Variants in ZNF717 observed in about 807,000 individuals in gnomAD.
ZNF717 encodes krueppel-like factor X17.
In ZNF717, 9 loss-of-function variants were observed where a neutral mutation model predicts 13.8. That is an observed-to-expected ratio of 0.65 (90% CI 0.39 to 1.14). The LOEUF (loss-of-function observed/expected upper bound fraction) is 1.14, where lower values mean the gene tolerates loss of function less well. ZNF717 is among the 50% of genes most tolerant of loss of function. ZNF717 has a pLI of 0.01. For missense variants in ZNF717, 1,040 were observed against 1,080.7 expected, an observed-to-expected ratio of 0.96 and a Z score of 0.53; for synonymous variants, 327 against 364.1, an observed-to-expected ratio of 0.90 and a Z score of 1.16.
At chr3:75,755,118 G>A (rs11919753) in intron 2 of ZNF717, among the ~76,000 whole-genome samples, 101 of 152,272 alleles carry the variant, frequency 6.6e-4, no homozygotes, top group African/African-American at 2.4e-3. Flanking sequence ...AAAAGTGAAG[G>A]AGAATTAAGG....
chr3:75,763,237 G>C (rs1388206433), intron 2 of ZNF717, among the ~76,000 whole-genome samples: 1 of 152,104 alleles, frequency 6.6e-6, no homozygotes, highest in African/African-American at 2.4e-5. Context: ...AGGGTAAAAG[G>C]AAACTGTAGA....
chr3:75,719,166 A>G (rs1938121012), intron 4 of ZNF717, among the ~76,000 whole-genome samples: 1 of 151,782 alleles, frequency 6.6e-6, no homozygotes, highest in Admixed American at 6.6e-5. Flanking sequence ...GTGGTGTCAC[A>G]TGCCTGTGGT....
intron 2 of ZNF717, among the ~76,000 whole-genome samples, chr3:75,758,135 A>AAAAAG (rs1553676182): frequency 6.7e-6 from 1 of 148,696 alleles, no homozygotes; most frequent in Non-Finnish European, 1.5e-5. Context: ...AAAAAAAAAA[A>AAAAAG]AGAGAGAGAG....
At chr3:75,723,874 G>A (rs1412759498) in intron 4 of ZNF717, among the ~76,000 whole-genome samples, 1 of 152,134 alleles carries the variant, frequency 6.6e-6, no homozygotes, top group Admixed American at 6.5e-5. Context: ...TTTGTGGAAG[G>A]CAACATCAGT....
At chr3:75,770,526 C>T (rs1176567202) in intron 2 of ZNF717, among the ~76,000 whole-genome samples, 1 of 152,086 alleles carries the variant, frequency 6.6e-6, no homozygotes, top group Non-Finnish European at 1.5e-5. Flanking sequence ...CACCACTGCA[C>T]TCCAGCATGG....
downstream of ZNF717, among the ~76,000 whole-genome samples, chr3:75,735,530 A>G (rs1185837392): frequency 1.3e-5 from 2 of 151,652 alleles, no homozygotes; most frequent in Non-Finnish European, 1.5e-5. Context: ...TTGTAGTCCT[A>G]GCTAATTGGG....
chr3:75,783,335 G>T lies in ZNF717; in HGVS notation c.28C>A (p.Gln10Lys). Reference protein sequence around the residue: MFPVFSGCFQELQEKNKSLE... With the variant: MFPVFSGCFKELQEKNKSLE... ...GATTTATTCTTTTCTTGTAGCTCTT[G>T]GAAACAGCCAGAGAACACTGGAAAC... The change falls in exon 2 of 5, where the codon CAA becomes AAA. Residue 10 changes from glutamine (Q) to lysine (K), a missense_variant. Around this residue, in one of 3 missense-constraint regions of ZNF717, gnomAD observed 123 missense variants for 177.8 expected, o/e 0.69. Transcript: ENST00000652011. The T allele has an allele frequency of 6.4e-7, 1 of 1,551,256 alleles. No homozygotes were observed. The highest frequency in any genetic ancestry group is 1.2e-5 in the South Asian group (1 of 84,050).
intron 2 of ZNF717, among the ~76,000 whole-genome samples, chr3:75,746,013 T>C (rs1941137721): frequency 1.3e-5 from 2 of 152,148 alleles, no homozygotes; most frequent in African/African-American, 4.8e-5. Flanking sequence ...CCTAACGCTA[T>C]CCCACCCTGC....
intron 2 of ZNF717, among the ~76,000 whole-genome samples, chr3:75,776,907 C>A (rs1944365449): frequency 7.2e-6 from 1 of 138,192 alleles, no homozygotes; most frequent in Non-Finnish European, 1.6e-5. Flanking sequence ...TAACAAAAAA[C>A]CGACTTAGTT....
intron 2 of ZNF717, among the ~76,000 whole-genome samples, chr3:75,762,862 C>T (rs148935712): frequency 1.8e-3 from 271 of 152,208 alleles, no homozygotes; most frequent in African/African-American, 5.9e-3. Flanking sequence ...TATGGACCAA[C>T]ACAACAGATA....
At chr3:75,778,132 C>A (rs921194833) in intron 2 of ZNF717, among the ~76,000 whole-genome samples, 6 of 124,216 alleles carry the variant, frequency 4.8e-5, no homozygotes, top group African/African-American at 1.9e-4. Flanking sequence ...AACAATGTGA[C>A]TGATGTGCAA....
At chr3:75,705,072 C>G (rs1219870096), downstream of ZNF717, among the ~76,000 whole-genome samples, 2 of 151,902 alleles carry the variant, frequency 1.3e-5, no homozygotes, top group African/African-American at 4.8e-5. Flanking sequence ...TTTTTCTTAA[C>G]AGTTTTCTCT....
rs1272013393 is a variant in ZNF717, at chr3:75,737,218, G to C, written c.2405C>G (p.Thr802Ser). The change falls in exon 5 of 5, where the codon ACC becomes AGC. Residue 802 changes from threonine (T) to serine (S), a missense_variant. Physicochemically the swap from Thr to Ser is moderately conservative, Grantham distance 58. Around this residue, in one of 3 missense-constraint regions of ZNF717, gnomAD observed 873 missense variants for 832.8 expected, o/e 1.05. Coordinates refer to ENST00000652011, the MANE Select transcript of ZNF717 (RefSeq NM_001290208.3). The part of the protein sequence containing the change: ...RKTFYDKTVL[T>S]IHQRTHTGEK... ...ACCTGTGTGAGTTCTCTGATGTATG[G>C]TGAGAACTGTCTTATCGTAAAAAGT... 1 of 1,553,490 alleles carries C rather than the reference G, an allele frequency of 6.4e-7. No individual in the cohort carries two copies. The highest frequency in any genetic ancestry group is 1.4e-5 in the African/African-American group (1 of 73,040).
chr3:75,708,987 C>CTT (rs1479341769), downstream of ZNF717, among the ~76,000 whole-genome samples: 2 of 127,576 alleles, frequency 1.6e-5, no homozygotes, highest in South Asian at 3.2e-4. Flanking sequence ...CACATCTTTT[C>CTT]TTTTTTTTCT....
intron 6 of ZNF717, among the ~76,000 whole-genome samples, chr3:75,704,099 A>C (rs1575712396): frequency 6.6e-6 from 1 of 152,422 alleles, no homozygotes; most frequent in South Asian, 2.1e-4. Context: ...TAGTGAGTAC[A>C]TCTGCACCTT....
chr3:75,775,280 G>A (rs1173200611), intron 2 of ZNF717, among the ~76,000 whole-genome samples: 2 of 152,192 alleles, frequency 1.3e-5, no homozygotes, highest in Admixed American at 6.5e-5. Flanking sequence ...TGGTTATTAA[G>A]TTATTGTAGA....
At chr3:75,732,784 ACT>A (rs1938692769), downstream of ZNF717, among the ~76,000 whole-genome samples, 1 of 152,282 alleles carries the variant, frequency 6.6e-6, no homozygotes, top group South Asian at 2.1e-4. Flanking sequence ...TACTGGATGC[ACT>A]GTTACAGTAG....
intron 2 of ZNF717, among the ~76,000 whole-genome samples, chr3:75,781,831 C>T (rs547512423): frequency 6.6e-6 from 1 of 152,256 alleles, no homozygotes; most frequent in African/African-American, 2.4e-5. Flanking sequence ...CGCCCAGAGC[C>T]CCCTCACCTA....
At chr3:75,726,226 T>G (rs1938276024), downstream of ZNF717, among the ~76,000 whole-genome samples, 1 of 152,260 alleles carries the variant, frequency 6.6e-6, no homozygotes, top group African/African-American at 2.4e-5. Context: ...GAAAATAGCA[T>G]TGGGCTGTGT....
Sources: allele counts gnomAD v4.1 joint callset (sites outside exome capture counted in the v4.1 genomes callset), GRCh38; gene constraint gnomAD v4.1.1; regional missense constraint gnomAD v4.1.1; transcripts MANE v1.5; gene names NCBI Gene and HGNC (gene_info 2026-07-23, HGNC 2026-07-21).